SMOC1: variants seen among roughly 807,000 people sequenced by gnomAD.
SMOC1 encodes the protein SPARC related modular calcium binding 1, also known as SPARC-related modular calcium-binding protein 1.
SMOC1 carries 22 observed loss-of-function variants against 56.3 expected under a neutral mutation model. The ratio of observed to expected loss-of-function variants is 0.39; its 90% CI spans 0.28 to 0.56. The LOEUF is 0.56. Among genes scored for constraint, SMOC1 ranks in the 20% least tolerant of loss-of-function variants. The pLI, the probability that SMOC1 is intolerant of heterozygous loss-of-function variation, is 0.61. For synonymous variants in SMOC1, 193 were observed against 215.0 expected (o/e 0.90, Z 0.89); for missense variants, 509 against 565.4 (o/e 0.90, Z 1.01).
chr14:69,900,533 A>C (rs918368368), intron 1 of SMOC1, among the ~76,000 whole-genome samples: 1 of 152,282 alleles, frequency 6.6e-6, no homozygotes, highest in Middle Eastern at 3.4e-3. Context: ...GCCCCTTTGC[A>C]CATACTAATC....
intron 10 of SMOC1, 152 bp from the exon 11 acceptor site, chr14:70,023,051 A>T: frequency 8.9e-7 from 1 of 1,123,930 alleles, no homozygotes; most frequent in Non-Finnish European, 1.3e-6. Context: ...AGGATGGCTT[A>T]ACGTTGCCAC....
At chr14:69,882,959 A>G (rs543141297) in intron 1 of SMOC1, among the ~76,000 whole-genome samples, 12 of 152,342 alleles carry the variant, frequency 7.9e-5, no homozygotes, top group African/African-American at 2.9e-4. Context: ...GAAATAGGAG[A>G]TGATGCGAAG....
chr14:69,916,059 T>A (rs1358540980), intron 1 of SMOC1, among the ~76,000 whole-genome samples: 1 of 152,172 alleles, frequency 6.6e-6, no homozygotes, highest in Non-Finnish European at 1.5e-5. Flanking sequence ...TTGCTCAACA[T>A]CTCTATGTGG....
intron 1 of SMOC1, among the ~76,000 whole-genome samples, chr14:69,918,978 TTTTG>T (rs957812798): frequency 3.9e-5 from 6 of 152,178 alleles, no homozygotes; most frequent in African/African-American, 7.2e-5. Context: ...TCGTGGGTTT[TTTTG>T]TTTGTTTGTT....
At chr14:69,997,963 T>A (rs1884828342) in intron 7 of SMOC1, among the ~76,000 whole-genome samples, 1 of 152,138 alleles carries the variant, frequency 6.6e-6, no homozygotes, top group Non-Finnish European at 1.5e-5. Flanking sequence ...CCCAGTTTCT[T>A]TTACACCCCA....
intron 7 of SMOC1, among the ~76,000 whole-genome samples, chr14:70,001,186 G>T (rs570147203): frequency 1.3e-5 from 2 of 152,136 alleles, no homozygotes; most frequent in Non-Finnish European, 2.9e-5. Flanking sequence ...ACTGTGGGCC[G>T]TTAGAGTGAG....
intron 7 of SMOC1, among the ~76,000 whole-genome samples, chr14:70,003,414 T>G (rs1885039974): frequency 6.6e-6 from 1 of 152,192 alleles, no homozygotes; most frequent in African/African-American, 2.4e-5. Context: ...TTTCCCAGGA[T>G]GTGTCAAAGG....
At chr14:69,997,891 C>T (rs755914203) in intron 7 of SMOC1, among the ~76,000 whole-genome samples, 1 of 152,074 alleles carries the variant, frequency 6.6e-6, no homozygotes, top group Non-Finnish European at 1.5e-5. Flanking sequence ...CATGGGACTC[C>T]GTGAAGCCCA....
At chr14:69,986,123 G>C (rs1264746066) in intron 5 of SMOC1, among the ~76,000 whole-genome samples, 1 of 152,036 alleles carries the variant, frequency 6.6e-6, no homozygotes, top group Non-Finnish European at 1.5e-5. Flanking sequence ...GGATCTCAAG[G>C]GCATTATGCA....
At chr14:69,939,236 C>T (rs1038849930) in intron 1 of SMOC1, among the ~76,000 whole-genome samples, 17 of 152,174 alleles carry the variant, frequency 1.1e-4, no homozygotes, top group African/African-American at 3.6e-4. Context: ...CTGGGGAAGC[C>T]TCATAATCAT....
At chr14:69,930,167 A>ACCCCTGACAGCACCCTTCCCACC (rs1885122761) in intron 1 of SMOC1, among the ~76,000 whole-genome samples, 2 of 136,718 alleles carry the variant, frequency 1.5e-5, no homozygotes, top group East Asian at 2.4e-4. Context: ...CAGTGACTGT[A>ACCCCTGACAGCACCCTTCCCACC]CCCCTGACAG....
At chr14:69,955,046 C>T (rs1390251687) in intron 3 of SMOC1, among the ~76,000 whole-genome samples, 2 of 152,130 alleles carry the variant, frequency 1.3e-5, no homozygotes. Flanking sequence ...TGTTGCCGAC[C>T]CTGGGAGAGG....
In SMOC1 at chr14:69,952,278, C is replaced by T. The variant is rs111874562; in HGVS notation, c.240C>T (p.Gly80=). The change falls in exon 2 of 12, where the codon GGC becomes GGT. Residue 80 remains glycine (G), a synonymous_variant. Coordinates refer to ENST00000361956, the MANE Select transcript of SMOC1 (RefSeq NM_001034852.3). ...CCAAGTGCCGAGACCCGACCCTGGGCGTGGTGCATCGAGGTAGATGCAAAG... is the reference window on the plus strand; with the variant it reads ...CCAAGTGCCGAGACCCGACCCTGGGTGTGGTGCATCGAGGTAGATGCAAAG... ...QRAKCRDPTL[G]VVHRGRCKDA... 31 of 1,614,036 alleles carry T rather than the reference C, an allele frequency of 1.9e-5. No individual in the cohort carries two copies. The highest frequency in any genetic ancestry group is 1.5e-4 in the Admixed American group (9 of 60,000).
At chr14:70,022,179 G>A (rs1885749841) in intron 10 of SMOC1, among the ~76,000 whole-genome samples, 1 of 152,258 alleles carries the variant, frequency 6.6e-6, no homozygotes, top group Admixed American at 6.5e-5. Context: ...GTGAACCCAG[G>A]CAGCCCCTCT....
rs79735169 is a variant in SMOC1, at chr14:70,000,640, A to G, written c.664+6160A>G. Among the ~76,000 whole-genome samples, 1,007 of 152,318 alleles carry G rather than the reference A, an allele frequency of 6.6e-3. 27 individuals carry two copies. The East Asian group carries it at 0.09, about 14-fold the overall frequency. On this transcript the variant is annotated intron_variant, in intron 7 of 11. Coordinates refer to ENST00000361956, the MANE Select transcript of SMOC1 (RefSeq NM_001034852.3). ...CCTCCATGCTATATTGGGACAATCC[A>G]TCCTGGAAGAAATATCCTCTGTAGA...
rs768881181 is a variant in SMOC1 at position 69,953,471 on chromosome 14, C to T, written c.317C>T (p.Ala106Val). ...GAGCGGGCTCAAGCCCTGGAGCAAG[C>T]CAAGAAGCCTCAGGAAGCTGTGTTT... Reference protein sequence around the residue: ...RLERAQALEQAKKPQEAVFVP... With the variant: ...RLERAQALEQVKKPQEAVFVP... Residue 106 changes from alanine (A) to valine (V), a missense_variant, in exon 3 of 12, where the codon GCC (alanine) becomes GTC (valine). This residue lies in a region of SMOC1 where 315 missense variants were observed against 333.1 expected (regional missense o/e 0.95). Transcript: ENST00000361956. 3 of 1,614,266 alleles carry T rather than the reference C, an allele frequency of 1.9e-6. No individual in the cohort carries two copies. Among genetic ancestry groups the T allele is most frequent in the Non-Finnish European group, 2.5e-6 (3 of 1,180,050 alleles).
At chr14:69,909,957 G>A (rs532457908) in intron 1 of SMOC1, among the ~76,000 whole-genome samples, 1 of 152,220 alleles carries the variant, frequency 6.6e-6, no homozygotes, top group African/African-American at 2.4e-5. Context: ...CTTTTTCTTT[G>A]CTCACATGTC....
chr14:69,940,442 A>T (rs2139414142), intron 1 of SMOC1, among the ~76,000 whole-genome samples: 1 of 152,342 alleles, frequency 6.6e-6, no homozygotes. Flanking sequence ...TGCTGGTCAG[A>T]TCTCATAGGA....
At chr14:69,981,860 G>A (rs1456859639) in intron 5 of SMOC1, among the ~76,000 whole-genome samples, 4 of 152,196 alleles carry the variant, frequency 2.6e-5, no homozygotes, top group Admixed American at 2.6e-4. Flanking sequence ...TAGGTGATTT[G>A]AGGAGCTTCC....
Sources: gnomAD v4.1 joint callset for allele counts (sites outside exome capture counted in the v4.1 genomes callset) on GRCh38, gnomAD v4.1.1 for gene constraint, gnomAD v4.1.1 regional missense constraint, MANE v1.5 for transcripts, NCBI Gene and HGNC (gene_info 2026-07-23, HGNC 2026-07-21) for gene names.